Variants in STAC2 observed in about 807,000 individuals in gnomAD.
STAC2 encodes SH3 and cysteine-rich domain-containing protein 2.
In STAC2, 36 loss-of-function variants were observed where a neutral mutation model predicts 49.0. The observed-to-expected ratio is 0.74, with a 90% CI of 0.56 to 0.97. STAC2 has a LOEUF of 0.97. Ranked by LOEUF, STAC2 falls within the 50% of genes least tolerant of loss-of-function variation. The pLI, the probability that STAC2 is intolerant of heterozygous loss-of-function variation, is 0.00. For synonymous variants in STAC2, 239 were observed against 214.7 expected (o/e 1.11, Z -0.99); for missense variants, 527 against 543.8 (o/e 0.97, Z 0.31).
chr17:39,219,156 G>C (rs1301269504), intron 1 of STAC2, among the ~76,000 whole-genome samples: 1 of 152,130 alleles, frequency 6.6e-6, no homozygotes, highest in African/African-American at 2.4e-5. Flanking sequence ...CACCGTCCAA[G>C]GCTCTCGCCC....
At position 39,213,486 on chromosome 17, in the gene STAC2, C is replaced by T. The variant is rs749577616; in HGVS notation, c.993+21G>A. On this transcript the variant is annotated intron_variant, in intron 9 of 10. Coordinates refer to ENST00000333461, the MANE Select transcript of STAC2 (RefSeq NM_198993.5). ...TGGGGTGCCTACCAGTGTCCCTCCA[C>T]TCCCCACCCTGCCAAGTCACCTTCC... 12 of 1,613,628 alleles carry T rather than the reference C, an allele frequency of 7.4e-6. No homozygotes were observed. In the South Asian group the frequency reaches 1.2e-4, roughly 16 times the overall value.
At chr17:39,220,281 T>C (rs1254976824) in intron 1 of STAC2, among the ~76,000 whole-genome samples, 1 of 152,112 alleles carries the variant, frequency 6.6e-6, no homozygotes. Flanking sequence ...CAAGTGTGGC[T>C]CTGGGGGCTT....
chr17:39,214,133 C>A, intron 8 of STAC2, 100 bp downstream of exon 8: 1 of 1,353,118 alleles, frequency 7.4e-7, no homozygotes, highest in Non-Finnish European at 1.0e-6. Context: ...TCAGCAGCCT[C>A]AAGCATGCAA....
At chr17:39,213,377 G>T in intron 9 of STAC2, 130 bp downstream of exon 9, 2 of 1,278,800 alleles carry the variant, frequency 1.6e-6, no homozygotes, top group Non-Finnish European at 2.2e-6. Flanking sequence ...TCCTAGTTTT[G>T]GCTGGGACCA....
intron 3 of STAC2, 23 bp from the exon 4 acceptor site, chr17:39,216,923 G>A (rs2046409004): frequency 1.3e-6 from 2 of 1,589,504 alleles, no homozygotes; most frequent in East Asian, 2.3e-5. Context: ...AGGGCAGAGA[G>A]GTTTTGAGGA....
At chr17:39,214,906 C>G (rs1422644214) in intron 6 of STAC2, 45 bp from the exon 7 acceptor site, 6 of 1,613,988 alleles carry the variant, frequency 3.7e-6, no homozygotes, top group Middle Eastern at 1.6e-4. Context: ...AGGGAGCACC[C>G]TCCATTGTAC....
At chr17:39,220,708 G>A (rs866461755) in intron 1 of STAC2, among the ~76,000 whole-genome samples, 10 of 152,146 alleles carry the variant, frequency 6.6e-5, no homozygotes, top group Admixed American at 6.5e-5. Context: ...TCCTGACCTC[G>A]TGATTTGCCC....
At chr17:39,217,722 CAA>C (rs541508154) in intron 2 of STAC2, 143 bp downstream of exon 2, 189 of 656,852 alleles carry the variant, frequency 2.9e-4, no homozygotes, top group Non-Finnish European at 3.4e-4. Flanking sequence ...GACTCTGTCT[CAA>C]AAAAAAAAAG....
In STAC2 at chr17:39,211,784, C is replaced by T. The variant is rs1268662620; in HGVS notation, c.*508G>A. The T allele has an allele frequency of 6.5e-6, 1 of 152,708 alleles. No homozygotes were observed. Among genetic ancestry groups the T allele is most frequent in the African/African-American group, 2.4e-5 (1 of 41,364 alleles). The allele number at this position is 152,708 out of a possible 1,614,324, so 9.5% of individuals were successfully genotyped here. On this transcript the variant is annotated 3_prime_UTR_variant, in exon 11 of 11. Coordinates refer to ENST00000333461, the MANE Select transcript of STAC2 (RefSeq NM_198993.5). ...CCTTCCTATGGTCCTGGGTCCCCTC[C>T]CCACCAAGGGTGGAGGGCCGAGGAC... is the stretch of plus-strand genomic sequence containing the variant.
chr17:39,217,978 A>G lies in STAC2; in HGVS notation c.286T>C (p.Cys96Arg), dbSNP rs756905702. The G allele has an allele frequency of 2.8e-6, 4 of 1,411,138 alleles. No homozygotes were observed. The highest frequency in any genetic ancestry group is 2.0e-5 in the Admixed American group (1 of 50,502). The allele number at this position is 1,411,138 out of a possible 1,614,324, so 87.4% of individuals were successfully genotyped here. Residue 96 changes from cysteine to arginine, a missense_variant, in exon 2 of 11, where the codon TGC becomes CGC. Physicochemically the swap from Cys to Arg is radical, Grantham distance 180. Transcript: ENST00000333461. ...RGLATPSPSP[C>R]PVPRPLAALK... is the part of the protein sequence containing the mutation. ...GCTGCCAGGGGGCGTGGGACTGGGC[A>G]TGGGGAGGGGGATGGGGTAGCCAGG...
chr17:39,213,281 TTC>T, intron 9 of STAC2, 149 bp from the exon 10 acceptor site: 1 of 1,411,044 alleles, frequency 7.1e-7, no homozygotes, highest in Non-Finnish European at 9.5e-7. Context: ...GCCAGGTGGC[TTC>T]TGGGCCAGGA....
In STAC2 at chr17:39,212,350, C is replaced by G. The variant is rs145558909; in HGVS notation, c.1178G>C (p.Arg393Pro). 1 of 1,612,136 alleles carries G rather than the reference C, an allele frequency of 6.2e-7. No homozygotes were observed. The highest frequency in any genetic ancestry group is 8.5e-7 in the Non-Finnish European group (1 of 1,179,142). ...GCCCCGCTTCTTGCCACTGCTGACGCGGATGAAGCCGTCAGCATCCTTGCT... is the reference window on the plus strand; with the variant it reads ...GCCCCGCTTCTTGCCACTGCTGACGGGGATGAAGCCGTCAGCATCCTTGCT... ...GRSKDADGFI[R>P]VSSGKKRGLV... is the part of the protein sequence containing the mutation. The change falls in exon 11 of 11, where the codon CGC (arginine) becomes CCC (proline). Residue 393 changes from arginine to proline, a missense_variant. Transcript: ENST00000333461.
At chr17:39,222,301 TG>T (rs1191106338) in intron 1 of STAC2, among the ~76,000 whole-genome samples, 3 of 152,210 alleles carry the variant, frequency 2.0e-5, no homozygotes, top group African/African-American at 4.8e-5. Context: ...CGGAGGCCTC[TG>T]GAACAGAATG....
At chr17:39,216,655 T>G (rs557154886) in intron 4 of STAC2, among the ~76,000 whole-genome samples, 155 bp downstream of exon 4, 2 of 152,162 alleles carry the variant, frequency 1.3e-5, no homozygotes, top group East Asian at 3.9e-4. Flanking sequence ...CAGGCTGGAG[T>G]GCAGTGGCGT....
intron 10 of STAC2, 66 bp downstream of exon 10, chr17:39,212,929 C>A (rs902766420): frequency 1.3e-6 from 2 of 1,590,972 alleles, no homozygotes; most frequent in African/African-American, 1.3e-5. Flanking sequence ...CCCCGCACCG[C>A]AGCCTGTCTC....
At chr17:39,223,354 G>T (rs887399478) in intron 1 of STAC2, among the ~76,000 whole-genome samples, 1 of 152,152 alleles carries the variant, frequency 6.6e-6, no homozygotes, top group South Asian at 2.1e-4. Context: ...GAATACCCCC[G>T]ACCCAACCCA....
chr17:39,219,030 C>T (rs919205527), intron 1 of STAC2, among the ~76,000 whole-genome samples: 1 of 152,142 alleles, frequency 6.6e-6, no homozygotes, highest in Non-Finnish European at 1.5e-5. Flanking sequence ...CCTGATGCCC[C>T]AGTCTGCTTC....
chr17:39,217,104 A>T lies in STAC2; in HGVS notation c.467T>A (p.Ile156Asn). ...VSVHLWCSEE[I>N]SHQQCPGKTS... ...CTTGCCTGGGCATTGCTGGTGGGAG[A>T]TCTCCTCAGAGCACCAGAGGTGGAC... is the stretch of plus-strand genomic sequence containing the variant. The change falls in exon 3 of 11, where the codon ATC becomes AAC. Residue 156 changes from isoleucine to asparagine, a missense_variant. Coordinates refer to ENST00000333461, the MANE Select transcript of STAC2 (RefSeq NM_198993.5). The T allele has an allele frequency of 1.2e-6, 2 of 1,613,882 alleles. No individual in the cohort carries two copies. The highest frequency in any genetic ancestry group is 1.7e-6 in the Non-Finnish European group (2 of 1,179,940).
At chr17:39,221,782 C>T (rs988995191) in intron 1 of STAC2, among the ~76,000 whole-genome samples, 56 of 148,884 alleles carry the variant, frequency 3.8e-4, no homozygotes, top group African/African-American at 1.4e-3. Flanking sequence ...CAGCTGGGCC[C>T]TGCCTGGGCC....
Sources: allele counts gnomAD v4.1 joint callset (sites outside exome capture counted in the v4.1 genomes callset), GRCh38; gene constraint gnomAD v4.1.1; transcripts MANE v1.5; gene names NCBI Gene and HGNC (gene_info 2026-07-23, HGNC 2026-07-21).